ZNF644: variants seen among roughly 807,000 people sequenced by gnomAD.
ZNF644 encodes the protein zinc finger motif enhancer binding protein 2.
ZNF644 carries 20 observed loss-of-function variants against 108.0 expected under a neutral mutation model. The ratio of observed to expected loss-of-function variants is 0.19; its 90% confidence interval spans 0.13 to 0.27. The LOEUF is 0.27. ZNF644 is among the 10% of genes least tolerant of loss of function. ZNF644 has a pLI of 1.00. For synonymous variants in ZNF644, 542 were observed against 539.1 expected (o/e 1.01, Z -0.08); for missense variants, 1,338 against 1,548.9 (o/e 0.86, Z 2.29).
rs1409447815 is a variant in ZNF644 at position 90,935,353 on chromosome 1, A to G, written c.3688+2132T>C. On this transcript the variant is annotated intron_variant, in intron 4 of 5. Coordinates refer to ENST00000337393, the MANE Select transcript of ZNF644 (RefSeq NM_201269.3). Reference sequence around the variant, plus strand: ...CTGAATTAACACCAGTCTGGTGGGGAAAAAAAAAGTGTATTGTATCAAACA... The same window carrying G: ...CTGAATTAACACCAGTCTGGTGGGGGAAAAAAAAGTGTATTGTATCAAACA... The G allele has an allele frequency of 2.8e-5, 27 of 977,070 alleles. No homozygotes were observed. In the East Asian group the frequency reaches 3.4e-4, roughly 12 times the overall value. 60.5% of individuals were successfully genotyped at this position (977,070 alleles called of 1,614,324 possible).
At chr1:90,964,612 G>A (rs1654655748) in intron 2 of ZNF644, among the ~76,000 whole-genome samples, 1 of 152,068 alleles carries the variant, frequency 6.6e-6, no homozygotes, top group South Asian at 2.1e-4. Flanking sequence ...TGCATACAAT[G>A]TGATTCATTT....
intron 1 of ZNF644, among the ~76,000 whole-genome samples, chr1:90,997,873 T>A (rs1658309516): frequency 6.6e-6 from 1 of 152,184 alleles, no homozygotes; most frequent in Non-Finnish European, 1.5e-5. Context: ...CCAATGGTCT[T>A]AGCAAACGGC....
In ZNF644 at chr1:90,937,901, T is replaced by C; in HGVS notation, c.3272A>G (p.Lys1091Arg). 1 of 1,613,772 alleles carries C rather than the reference T, an allele frequency of 6.2e-7. No homozygotes were observed. Among genetic ancestry groups the C allele is most frequent in the Non-Finnish European group, 8.5e-7 (1 of 1,179,882 alleles). Residue 1091 changes from lysine to arginine, a missense_variant, in exon 4 of 6, where the codon AAA (lysine) becomes AGA (arginine). Around this residue, in one of 6 missense-constraint regions of ZNF644, gnomAD observed 287 missense variants for 310.9 expected, o/e 0.92. Transcript: ENST00000337393. ...ACGACTGTTCAATGCCTTTAAGATT[T>C]TTTCATATTTTTCTTCATTTTGCAT... ...EMMQNEEKYE[K>R]ILKALNSRRI...
At chr1:90,930,890 C>T (rs886934573) in intron 4 of ZNF644, among the ~76,000 whole-genome samples, 8 of 152,272 alleles carry the variant, frequency 5.3e-5, no homozygotes, top group Non-Finnish European at 8.8e-5. Context: ...TCTCTCTACT[C>T]TGTATTTCCC....
chr1:90,963,383 A>C lies in ZNF644; in HGVS notation c.44+18927T>G, dbSNP rs375995271. ...AGCAACAGGAATCCTCATATACTTG[A>C]TGTGATTGATACAACCATTTTGAAA... On this transcript the variant is annotated intron_variant, in intron 2 of 5. Transcript: ENST00000337393. Among the ~76,000 whole-genome samples, 31 of 152,252 alleles carry C rather than the reference A, an allele frequency of 2.0e-4. No homozygotes were observed. The South Asian group carries it at 6.4e-3, about 32-fold the overall frequency.
At chr1:91,020,198 A>C (rs1185495969) in intron 1 of ZNF644, among the ~76,000 whole-genome samples, 1 of 152,238 alleles carries the variant, frequency 6.6e-6, no homozygotes, top group African/African-American at 2.4e-5. Flanking sequence ...CATTAATACA[A>C]GACTGTTCTG....
At chr1:90,957,099 A>G (rs914496932) in intron 2 of ZNF644, among the ~76,000 whole-genome samples, 59 of 152,238 alleles carry the variant, frequency 3.9e-4, no homozygotes, top group African/African-American at 1.4e-3. Flanking sequence ...AAATGAAGTC[A>G]AGAAGAAATA....
At chr1:90,958,232 T>TAAAAAAAAA (rs777224217) in intron 2 of ZNF644, among the ~76,000 whole-genome samples, 29 of 41,356 alleles carry the variant, frequency 7.0e-4, no homozygotes, top group Non-Finnish European at 1.1e-3. Flanking sequence ...GCAAAACTCC[T>TAAAAAAAAA]AAAAAAAAAA....
At chr1:90,999,273 T>G (rs1314692275) in intron 1 of ZNF644, among the ~76,000 whole-genome samples, 1 of 151,996 alleles carries the variant, frequency 6.6e-6, no homozygotes, top group Non-Finnish European at 1.5e-5. Flanking sequence ...GAAGGAAAAA[T>G]GTTAAGGGCA....
intron 2 of ZNF644, among the ~76,000 whole-genome samples, chr1:90,956,806 C>T (rs1653797835): frequency 6.6e-6 from 1 of 152,054 alleles, no homozygotes; most frequent in Non-Finnish European, 1.5e-5. Flanking sequence ...GGACAACAGA[C>T]TCTGTCTCAA....
At chr1:91,003,809 A>G (rs1007962971) in intron 1 of ZNF644, among the ~76,000 whole-genome samples, 2 of 152,204 alleles carry the variant, frequency 1.3e-5, no homozygotes, top group Non-Finnish European at 2.9e-5. Context: ...ACAATGTTTT[A>G]AAATCAGCTA....
intron 1 of ZNF644, among the ~76,000 whole-genome samples, chr1:91,000,279 T>C (rs543258357): frequency 3.3e-5 from 5 of 152,310 alleles, no homozygotes; most frequent in South Asian, 4.1e-4. Flanking sequence ...ACTGACCACA[T>C]AGTTGGAAGT....
chr1:91,019,264 A>C (rs191750343), intron 1 of ZNF644, among the ~76,000 whole-genome samples: 1 of 152,340 alleles, frequency 6.6e-6, no homozygotes, highest in East Asian at 1.9e-4. Flanking sequence ...TGAGTGGCAC[A>C]TTCGTTTATC....
At chr1:90,935,552 T>G in intron 4 of ZNF644, 1 of 985,844 alleles carries the variant, frequency 1.0e-6, no homozygotes, top group Non-Finnish European at 1.2e-6. Context: ...AAGAAAACTA[T>G]AATCCAGTTC....
intron 5 of ZNF644, 141 bp from the exon 6 acceptor site, chr1:90,917,131 T>C: frequency 1.2e-6 from 1 of 856,376 alleles, no homozygotes. Context: ...TCAAATGATT[T>C]AATAAAACAT....
intron 1 of ZNF644, among the ~76,000 whole-genome samples, chr1:90,995,448 T>G (rs1438530664): frequency 6.6e-6 from 1 of 152,092 alleles, no homozygotes; most frequent in East Asian, 1.9e-4. Flanking sequence ...AAGAAAGGAA[T>G]GAGATGAGCA....
At chr1:90,955,149 T>C (rs1024462094) in intron 2 of ZNF644, among the ~76,000 whole-genome samples, 5 of 152,218 alleles carry the variant, frequency 3.3e-5, no homozygotes, top group African/African-American at 1.2e-4. Flanking sequence ...GAGTCTTTTC[T>C]AGCAGGTCTC....
At chr1:91,009,461 TAAG>T (rs1659743849) in intron 1 of ZNF644, among the ~76,000 whole-genome samples, 1 of 152,190 alleles carries the variant, frequency 6.6e-6, no homozygotes, top group African/African-American at 2.4e-5. Flanking sequence ...CTCTACATTT[TAAG>T]AACATTATTT....
intron 1 of ZNF644, among the ~76,000 whole-genome samples, chr1:91,006,938 G>A (rs1197105878): frequency 1.3e-5 from 2 of 152,100 alleles, no homozygotes; most frequent in African/African-American, 4.8e-5. Flanking sequence ...GCTTGGTAAG[G>A]TATAGAATGA....
Sources: gnomAD v4.1 joint callset for allele counts (sites outside exome capture counted in the v4.1 genomes callset) on GRCh38, gnomAD v4.1.1 for gene constraint, gnomAD v4.1.1 regional missense constraint, MANE v1.5 for transcripts, NCBI Gene and HGNC (gene_info 2026-07-23, HGNC 2026-07-21) for gene names.